CEP85L: variants seen among roughly 807,000 people sequenced by gnomAD.
CEP85L encodes the protein centrosomal protein of 85 kDa-like.
A neutral mutation model predicts 100.3 loss-of-function variants in CEP85L; 60 were observed. The observed-to-expected ratio is 0.60, with a 90% CI of 0.49 to 0.74. CEP85L has a LOEUF of 0.74. Ranked by LOEUF, CEP85L falls within the 30% of genes least tolerant of loss-of-function variation. The pLI is 0.00. For missense variants in CEP85L, 973 were observed against 936.2 expected (o/e 1.04, Z -0.51); for synonymous variants, 319 against 322.7 (o/e 0.99, Z 0.12).
intron 3 of CEP85L, among the ~76,000 whole-genome samples, chr6:118,533,770 T>C (rs1159649655): frequency 1.3e-5 from 2 of 152,176 alleles, no homozygotes; most frequent in African/African-American, 2.4e-5. Context: ...CATACGGTTT[T>C]CCCAGGAATG....
In CEP85L at chr6:118,651,418, T is replaced by A. The variant is rs925925991; in HGVS notation, c.-149A>T. 3.7e-6 allele frequency: 5 copies of A among 1,338,538 alleles called. No homozygotes were observed. The African/African-American group carries it at 7.7e-5, about 21-fold the overall frequency. 82.9% of individuals were successfully genotyped at this position (1,338,538 alleles called of 1,614,324 possible). A position where few individuals can be genotyped will look rare whatever the true frequency, so the allele number is the denominator to read the frequency against. On this transcript the variant is annotated 5_prime_UTR_variant, in exon 1 of 13. Transcript: ENST00000368491. ...GATGGCTGGTTAACGGCTGCTCAGC[T>A]ACGGGCGGGGAGCGCAGGGGCCAGA... is the stretch of plus-strand genomic sequence containing the variant.
intron 1 of CEP85L, 22 bp downstream of exon 1, chr6:118,651,175 G>A (rs1775530003): frequency 1.3e-6 from 2 of 1,486,960 alleles, no homozygotes; most frequent in Non-Finnish European, 8.9e-7. Context: ...CACCCCAGCC[G>A]GGGCGCTGTC....
chr6:118,670,789 T>A (rs959028209), intron 1 of CEP85L, among the ~76,000 whole-genome samples: 1 of 152,182 alleles, frequency 6.6e-6, no homozygotes, highest in Non-Finnish European at 1.5e-5. Context: ...TATCCAACAA[T>A]ATGCCTACTG....
At chr6:118,625,431 G>C (rs1181063629) in intron 2 of CEP85L, among the ~76,000 whole-genome samples, 1 of 152,192 alleles carries the variant, frequency 6.6e-6, no homozygotes, top group Non-Finnish European at 1.5e-5. Flanking sequence ...GTGGGCTTGG[G>C]ACAGGAATTG....
At chr6:118,573,486 A>C (rs1780030650) in intron 2 of CEP85L, among the ~76,000 whole-genome samples, 1 of 152,172 alleles carries the variant, frequency 6.6e-6, no homozygotes, top group Non-Finnish European at 1.5e-5. Context: ...AAAGAGACAA[A>C]TGGTAAACTT....
At chr6:118,632,412 C>G in intron 2 of CEP85L, 41 bp downstream of exon 2, 1 of 1,498,314 alleles carries the variant, frequency 6.7e-7, no homozygotes. Context: ...CACAACCACT[C>G]TTCAAAGATT....
intron 2 of CEP85L, among the ~76,000 whole-genome samples, chr6:118,605,105 G>T (rs1421015006): frequency 1.3e-5 from 2 of 152,154 alleles, no homozygotes; most frequent in African/African-American, 4.8e-5. Context: ...GCCCTTGGAG[G>T]AAAAGCGCCA....
At chr6:118,552,160 A>G (rs1005709073) in intron 3 of CEP85L, among the ~76,000 whole-genome samples, 14 of 152,044 alleles carry the variant, frequency 9.2e-5, no homozygotes, top group South Asian at 2.1e-4. Context: ...TCAATTTAAT[A>G]AAGTATTTCT....
intron 2 of CEP85L, among the ~76,000 whole-genome samples, chr6:118,594,079 CCTAA>C (rs540777956): frequency 7.2e-5 from 11 of 152,260 alleles, no homozygotes; most frequent in South Asian, 2.1e-4. Context: ...TCGTAACGCT[CCTAA>C]CTATTTACTG....
chr6:118,491,338 T>C, intron 6 of CEP85L: 1 of 375,258 alleles, frequency 2.7e-6, no homozygotes, highest in Non-Finnish European at 3.9e-6. Flanking sequence ...GCATCATTAT[T>C]AAAGATAGGC....
chr6:118,551,021 G>C (rs1778511940), intron 3 of CEP85L, among the ~76,000 whole-genome samples: 1 of 151,578 alleles, frequency 6.6e-6, no homozygotes, highest in Non-Finnish European at 1.5e-5. Context: ...ATCAATCAAA[G>C]TTTCCTTTTA....
At chr6:118,691,675 G>A (rs989555961) in intron 1 of CEP85L, among the ~76,000 whole-genome samples, 7 of 151,258 alleles carry the variant, frequency 4.6e-5, no homozygotes, top group Non-Finnish European at 1.0e-4. Context: ...GGAGGCGGAG[G>A]TTTCAGTGAG....
intron 4 of CEP85L, among the ~76,000 whole-genome samples, chr6:118,522,841 T>G (rs1263937951): frequency 6.7e-6 from 1 of 150,270 alleles, no homozygotes; most frequent in African/African-American, 2.5e-5. Context: ...ATGGCACCAC[T>G]GCACTCCAGC....
chr6:118,560,481 GGGA>G (rs1204369047), intron 3 of CEP85L: 1 of 167,054 alleles, frequency 6.0e-6, no homozygotes, highest in Non-Finnish European at 1.5e-5. Flanking sequence ...GAGAAAGATG[GGGA>G]GGAAGAGAAG....
At chr6:118,483,967 A>T (rs1773985528) in intron 6 of CEP85L, 109 bp from the exon 7 acceptor site, 3 of 940,100 alleles carry the variant, frequency 3.2e-6, no homozygotes, top group Non-Finnish European at 4.7e-6. Context: ...GTTTCAGGTT[A>T]TAGCGAAGGC....
At chr6:118,469,631 T>C (rs1039417346) in intron 11 of CEP85L, among the ~76,000 whole-genome samples, 2 of 152,126 alleles carry the variant, frequency 1.3e-5, no homozygotes, top group Non-Finnish European at 2.9e-5. Flanking sequence ...TGGGCCTCAA[T>C]CTGTCACCCA....
intron 1 of CEP85L, among the ~76,000 whole-genome samples, chr6:118,700,906 A>G (rs1174799436): frequency 6.6e-6 from 1 of 152,188 alleles, no homozygotes; most frequent in Non-Finnish European, 1.5e-5. Flanking sequence ...GCAGTGCTAC[A>G]TGCAGGTTCT....
At chr6:118,489,975 GTA>G (rs577769762) in intron 6 of CEP85L, among the ~76,000 whole-genome samples, 7 of 150,474 alleles carry the variant, frequency 4.7e-5, no homozygotes, top group African/African-American at 9.9e-5. Context: ...ATACGTGTGT[GTA>G]TATATATACA....
intron 2 of CEP85L, among the ~76,000 whole-genome samples, chr6:118,626,425 C>G (rs116401489): frequency 1.3e-5 from 2 of 152,094 alleles, no homozygotes; most frequent in Admixed American, 1.3e-4. Context: ...GAACATAGTT[C>G]GTTAAGTTCT....
Sources: allele counts gnomAD v4.1 joint callset (sites outside exome capture counted in the v4.1 genomes callset), GRCh38; gene constraint gnomAD v4.1.1; transcripts MANE v1.5; gene names NCBI Gene and HGNC (gene_info 2026-07-23, HGNC 2026-07-21).